Variants in MGAM2 observed in about 807,000 individuals in gnomAD.
MGAM2 encodes the protein maltase-glucoamylase 2 (putative), also known as probable maltase-glucoamylase 2.
MGAM2 carries 98 observed loss-of-function variants against 96.1 expected under a neutral mutation model. The observed-to-expected ratio is 1.02, with a 90% CI of 0.87 to 1.21. The LOEUF is 1.21. Among genes scored for constraint, MGAM2 ranks in the 50% most tolerant of loss-of-function variants. The pLI, the probability that MGAM2 is intolerant of heterozygous loss-of-function variation, is 0.00. For synonymous variants in MGAM2, 749 were observed against 414.8 expected, an observed-to-expected ratio of 1.81 and a Z score of -9.79; for missense variants, 2,055 against 1,182.4, an observed-to-expected ratio of 1.74 and a Z score of -10.82.
rs1334291220 is a variant in MGAM2, at chr7:142,197,401, G to A, written c.4634G>A (p.Arg1545Lys). The change falls in exon 41 of 48, where the codon AGA becomes AAA. Residue 1545 changes from arginine to lysine, a missense_variant and splice_region_variant. Coordinates refer to ENST00000477922, the MANE Select transcript of MGAM2 (RefSeq NM_001293626.2). The stretch of plus-strand genomic sequence containing the variant: ...TTATATGCTTCTTTATCCTTACAGA[G>A]ACAAGATCCTGTGGCCTGGAATTCA... ...SRNHNNIGTR[R>K]QDPVAWNSTF... The A allele has an allele frequency of 1.0e-5, 7 of 702,958 alleles. No individual in the cohort carries two copies. In the Admixed American group the frequency reaches 1.2e-4, roughly 12 times the overall value. The allele number at this position is 702,958 out of a possible 1,614,324, so 43.5% of individuals were successfully genotyped here.
rs1249666008 is a variant in MGAM2 at position 142,220,777 on chromosome 7, G to A, written c.6266G>A (p.Ser2089Asn). ...ACCACTATGCCTTCTCCTACAAGTA[G>A]TACTACTGTGAGTACTATTGCTACC... Reference protein sequence around the residue: ...PNTTMPSPTSSTTVSTIATVP... With the variant: ...PNTTMPSPTSNTTVSTIATVP... Residue 2089 changes from serine to asparagine, a missense_variant, in exon 48 of 48, where the codon AGT (serine) becomes AAT (asparagine). Coordinates refer to ENST00000477922, the MANE Select transcript of MGAM2 (RefSeq NM_001293626.2). 2.8e-6 allele frequency: 2 copies of A among 701,932 alleles called. No homozygotes were observed. The highest frequency in any genetic ancestry group is 2.7e-5 in the East Asian group (1 of 37,256). 43.5% of individuals were successfully genotyped at this position (701,932 alleles called of 1,614,324 possible).
chr7:142,183,934 G>T (rs1796614840), intron 33 of MGAM2, among the ~76,000 whole-genome samples: 1 of 125,282 alleles, frequency 8.0e-6, no homozygotes, highest in African/African-American at 2.9e-5. Flanking sequence ...TACTGCTCTG[G>T]ATGTATTCCA....
Position 142,197,511 on chromosome 7 carries a change from G to A in MGAM2, c.4744G>A (p.Val1582Ile), listed in dbSNP as rs761592984. The A allele has an allele frequency of 2.3e-5, 16 of 703,018 alleles. No individual in the cohort carries two copies. The highest frequency in any genetic ancestry group is 1.2e-4 in the South Asian group (8 of 67,602). The allele number at this position is 703,018 out of a possible 1,614,324, so 43.5% of individuals were successfully genotyped here. A position where few individuals can be genotyped will look rare whatever the true frequency, so the allele number is the denominator to read the frequency against. The change falls in exon 41 of 48, where the codon GTT becomes ATT. Residue 1582 changes from valine (V) to isoleucine (I), a missense_variant. Coordinates refer to ENST00000477922, the MANE Select transcript of MGAM2 (RefSeq NM_001293626.2). ...YLYTLMHKAHVEGSTVVRPLL... is the reference protein window; with the variant it reads ...YLYTLMHKAHIEGSTVVRPLL... ...CTATACTCTGATGCATAAAGCTCAC[G>A]TTGAGGGCAGCACAGTTGTCCGGCC...
At chr7:142,121,030 C>A (rs75704461) in intron 3 of MGAM2, among the ~76,000 whole-genome samples, 3,224 of 152,152 alleles carry the variant, frequency 0.021, 121 homozygotes, top group African/African-American at 0.074. Flanking sequence ...ATTCTAAATT[C>A]TATATCTTCT....
chr7:142,112,108 G>T (rs529822502), intron 1 of MGAM2, among the ~76,000 whole-genome samples: 1 of 151,626 alleles, frequency 6.6e-6, no homozygotes, highest in East Asian at 1.9e-4. Flanking sequence ...CTCACTGGGA[G>T]AAATTAAGGA....
chr7:142,193,973 T>G (rs914448687), intron 37 of MGAM2, among the ~76,000 whole-genome samples: 1 of 152,112 alleles, frequency 6.6e-6, no homozygotes, highest in African/African-American at 2.4e-5. Context: ...ATCTAATACT[T>G]AAAATGTTGA....
At position 142,219,851 on chromosome 7, in the gene MGAM2, A is replaced by T; in HGVS notation, c.5359-19A>T. On this transcript the variant is annotated intron_variant, in intron 47 of 47. Transcript: ENST00000477922. Reference sequence around the variant, plus strand: ...AAGAAGTTCTAAAATACCCATTTATATCTCTTCTTTTCTGGCAGATACTAA... The same window carrying T: ...AAGAAGTTCTAAAATACCCATTTATTTCTCTTCTTTTCTGGCAGATACTAA... 2 of 678,478 alleles carry T rather than the reference A, an allele frequency of 2.9e-6. No homozygotes were observed. The highest frequency in any genetic ancestry group is 5.4e-6 in the Non-Finnish European group (2 of 372,850). 42.0% of individuals were successfully genotyped at this position (678,478 alleles called of 1,614,324 possible).
At chr7:142,197,962 G>GT (rs2129100545) in intron 42 of MGAM2, among the ~76,000 whole-genome samples, 177 bp from the exon 43 acceptor site, 1 of 10,594 alleles carries the variant, frequency 9.4e-5, no homozygotes, top group Admixed American at 1.0e-3. Context: ...TTTAAAAATA[G>GT]TTTTTTCTGT....
intron 44 of MGAM2, among the ~76,000 whole-genome samples, chr7:142,199,187 C>T (rs571475518): frequency 1.4e-4 from 21 of 152,104 alleles, no homozygotes; most frequent in African/African-American, 3.4e-4. Flanking sequence ...TGTACATACA[C>T]GTATATAAAT....
At chr7:142,176,108 AG>A (rs1554509688) in intron 32 of MGAM2, among the ~76,000 whole-genome samples, 1,881 of 114,910 alleles carry the variant, frequency 0.016, 14 homozygotes, top group African/African-American at 0.037. Context: ...AAAAAAAAAA[AG>A]GGGGGGGCAT....
rs573560600 is a variant in MGAM2 at position 142,155,627 on chromosome 7, C to A, written c.1923+782C>A. Among the ~76,000 whole-genome samples, 15 of 152,190 alleles carry A rather than the reference C, an allele frequency of 9.9e-5. 1 individual carries two copies. In the South Asian group the frequency reaches 2.7e-3, roughly 27 times the overall value. On this transcript the variant is annotated intron_variant, in intron 17 of 47. Coordinates refer to ENST00000477922, the MANE Select transcript of MGAM2 (RefSeq NM_001293626.2). ...GTATTTTATCCCTGGGCTTTTCTGG[C>A]CACTTGTGATCTAGAGAGAGATGAA...
At chr7:142,116,226 C>T (rs138971707) in intron 1 of MGAM2, among the ~76,000 whole-genome samples, 2,859 of 152,208 alleles carry the variant, frequency 0.019, 73 homozygotes, top group Admixed American at 0.052. Flanking sequence ...GTACATCCTC[C>T]AATATAGAAA....
chr7:142,123,963 CTTTTTTTTT>C (rs960655956), intron 3 of MGAM2, among the ~76,000 whole-genome samples: 1 of 98,116 alleles, frequency 1.0e-5, no homozygotes, highest in African/African-American at 5.4e-5. Flanking sequence ...AGTCCAGAAA[CTTTTTTTTT>C]TTTTTTTTTT....
intron 16 of MGAM2, 27 bp from the exon 17 acceptor site, chr7:142,154,702 G>A: frequency 1.4e-6 from 1 of 702,556 alleles, no homozygotes; most frequent in Non-Finnish European, 2.6e-6. Flanking sequence ...ATTGACCACA[G>A]TGCTTGTATG....
rs577373251 is a variant in MGAM2, at chr7:142,143,613, TTGTA to T, written c.1318-153_1318-150del. Among the ~76,000 whole-genome samples the T allele has an allele frequency of 9.8e-5, 15 of 152,306 alleles. No individual in the cohort carries two copies. In the East Asian group the frequency reaches 2.9e-3, roughly 29 times the overall value. ...TTTTATTGTTTTTTCCTCTTGTTCC[TTGTA>T]TGCATTTTATTGTTTAGTTTTTGTT... On this transcript the variant is annotated intron_variant, in intron 12 of 47. Transcript: ENST00000477922.
chr7:142,159,586 A>G (rs943801923), intron 20 of MGAM2, among the ~76,000 whole-genome samples: 3 of 152,306 alleles, frequency 2.0e-5, no homozygotes, highest in Admixed American at 1.3e-4. Context: ...GGCAAGTCCA[A>G]GATCAAGGTG....
chr7:142,121,901 T>C (rs548614824), intron 3 of MGAM2, among the ~76,000 whole-genome samples: 84 of 152,190 alleles, frequency 5.5e-4, no homozygotes, highest in African/African-American at 2.0e-3. Flanking sequence ...AATAATGTAA[T>C]TAAAGTGATG....
intron 12 of MGAM2, 44 bp downstream of exon 12, chr7:142,141,163 G>A: frequency 1.5e-6 from 1 of 686,802 alleles, no homozygotes; most frequent in Non-Finnish European, 2.6e-6. Flanking sequence ...TTGTTTTGGG[G>A]AGTTGTACTT....
intron 25 of MGAM2, among the ~76,000 whole-genome samples, chr7:142,166,789 G>A (rs1185408075): frequency 1.3e-5 from 2 of 152,118 alleles, no homozygotes; most frequent in East Asian, 1.9e-4. Context: ...TCATTTGCTA[G>A]GGTTACCATA....
Sources: gnomAD v4.1 joint callset for allele counts (sites outside exome capture counted in the v4.1 genomes callset) on GRCh38, gnomAD v4.1.1 for gene constraint, MANE v1.5 for transcripts, NCBI Gene and HGNC (gene_info 2026-07-23, HGNC 2026-07-21) for gene names.